Variants in C17orf114 observed in about 807,000 individuals in gnomAD.
The protein encoded by C17orf114 is chromosome 17 open reading frame 114.
upstream of C17orf114, among the ~76,000 whole-genome samples, chr17:4,806,298 T>A (rs182594385): frequency 2.2e-3 from 331 of 152,298 alleles, no homozygotes; most frequent in Middle Eastern, 6.8e-3. Context: ...AAACACACAC[T>A]GATATGATCG....
chr17:4,802,401 TG>T (rs1905536171), upstream of C17orf114: 2 of 398,194 alleles, frequency 5.0e-6, no homozygotes, highest in Non-Finnish European at 8.9e-6. Context: ...CCCCCCACCA[TG>T]GGCAAAACTA....
upstream of C17orf114, among the ~76,000 whole-genome samples, chr17:4,804,061 G>GTA (rs1207011497): frequency 2.6e-5 from 4 of 152,074 alleles, no homozygotes; most frequent in Non-Finnish European, 5.9e-5. Flanking sequence ...AGCTTCTGAA[G>GTA]CATGTCCCCA....
At chr17:4,804,785 C>A (rs1376241013), upstream of C17orf114, among the ~76,000 whole-genome samples, 1 of 145,560 alleles carries the variant, frequency 6.9e-6, no homozygotes, top group Non-Finnish European at 1.5e-5. Flanking sequence ...CGGGGTTCAC[C>A]ATGTTAGCCA....
upstream of C17orf114, among the ~76,000 whole-genome samples, chr17:4,803,870 C>T (rs996973599): frequency 6.6e-5 from 10 of 151,816 alleles, no homozygotes; most frequent in African/African-American, 2.4e-4. Context: ...TACAGGCACC[C>T]GCCACCATCC....
At chr17:4,802,911 ATCACG>A (rs1259246304), upstream of C17orf114, among the ~76,000 whole-genome samples, 2 of 152,074 alleles carry the variant, frequency 1.3e-5, no homozygotes, top group African/African-American at 4.8e-5. Flanking sequence ...ATTTCACTTA[ATCACG>A]TCAAAGATCT....
chr17:4,801,211 G>A (rs1905500018), exon 2 of C17orf114: 3 of 398,328 alleles, frequency 7.5e-6, no homozygotes, highest in Non-Finnish European at 1.3e-5. Context: ...TTGGGGAGGT[G>A]GACATTAGGA....
upstream of C17orf114, among the ~76,000 whole-genome samples, chr17:4,804,973 A>G (rs905855211): frequency 3.9e-5 from 6 of 152,168 alleles, no homozygotes; most frequent in Non-Finnish European, 8.8e-5. Context: ...GAGTATTACC[A>G]AGTGTATGCT....
upstream of C17orf114, among the ~76,000 whole-genome samples, chr17:4,802,828 T>C (rs79048676): frequency 0.13 from 19,236 of 152,226 alleles, 1,841 homozygotes; most frequent in East Asian, 0.47. Context: ...TCCTGTCCCC[T>C]GTTATGAAGA....
At chr17:4,803,306 G>A (rs1410494540), upstream of C17orf114, among the ~76,000 whole-genome samples, 2 of 151,654 alleles carry the variant, frequency 1.3e-5, no homozygotes, top group South Asian at 2.1e-4. Flanking sequence ...TGAGAGGTAA[G>A]GTAATTTGCC....
chr17:4,804,201 CTTTT>C (rs1905584646), upstream of C17orf114, among the ~76,000 whole-genome samples: 1 of 148,154 alleles, frequency 6.7e-6, no homozygotes. Flanking sequence ...TGTTTTTTTT[CTTTT>C]TTCTTTTTTT....
upstream of C17orf114, among the ~76,000 whole-genome samples, chr17:4,802,622 CAG>C (rs1905541954): frequency 6.6e-6 from 1 of 152,172 alleles, no homozygotes; most frequent in Non-Finnish European, 1.5e-5. Context: ...CTGTGACAGA[CAG>C]ATGCAGTCAC....
chr17:4,802,848 T>C (rs1366771553), upstream of C17orf114, among the ~76,000 whole-genome samples: 2 of 152,196 alleles, frequency 1.3e-5, no homozygotes, highest in South Asian at 2.1e-4. Context: ...ATGATTGTAA[T>C]TGATTAATTA....
chr17:4,806,090 T>C (rs1167668103), upstream of C17orf114, among the ~76,000 whole-genome samples: 1 of 152,238 alleles, frequency 6.6e-6, no homozygotes. Flanking sequence ...ACATGGTCAA[T>C]ATCATTGATC....
upstream of C17orf114, among the ~76,000 whole-genome samples, chr17:4,804,835 C>T (rs957770330): frequency 1.3e-5 from 2 of 151,906 alleles, no homozygotes; most frequent in Admixed American, 1.3e-4. Context: ...CTGCCCGCCT[C>T]GGCCTCCCAA....
chr17:4,805,552 C>A (rs1905686096), upstream of C17orf114, among the ~76,000 whole-genome samples: 1 of 149,998 alleles, frequency 6.7e-6, no homozygotes, highest in Admixed American at 6.7e-5. Flanking sequence ...TGGTGAAACC[C>A]CGTCTCTACT....
At chr17:4,805,835 C>T (rs1038115002), upstream of C17orf114, among the ~76,000 whole-genome samples, 1 of 151,968 alleles carries the variant, frequency 6.6e-6, no homozygotes, top group Non-Finnish European at 1.5e-5. Flanking sequence ...CGCCTGTAGT[C>T]CCAGCTACTC....
At chr17:4,805,821 C>T (rs942468400), upstream of C17orf114, among the ~76,000 whole-genome samples, 12 of 151,664 alleles carry the variant, frequency 7.9e-5, no homozygotes, top group African/African-American at 2.9e-4. Context: ...GGCGTGGTGG[C>T]GGACGCCTGT....
chr17:4,805,092 A>T (rs140739009), upstream of C17orf114, among the ~76,000 whole-genome samples: 16 of 152,290 alleles, frequency 1.1e-4, no homozygotes, highest in East Asian at 3.1e-3. Context: ...TGCCACAAGC[A>T]ACTACTGATC....
upstream of C17orf114, among the ~76,000 whole-genome samples, chr17:4,802,691 C>T (rs1398795199): frequency 6.6e-6 from 1 of 152,042 alleles, no homozygotes; most frequent in African/African-American, 2.4e-5. Flanking sequence ...GCTGGGGATT[C>T]CTTTGTATTT....
Sources: allele counts gnomAD v4.1 joint callset (sites outside exome capture counted in the v4.1 genomes callset), GRCh38; gene constraint gnomAD v4.1.1; transcripts MANE v1.5; gene names NCBI Gene and HGNC (gene_info 2026-07-23, HGNC 2026-07-21).